USP34: variants seen among roughly 807,000 people sequenced by gnomAD.
USP34 encodes ubiquitin specific peptidase 34, also known as ubiquitin carboxyl-terminal hydrolase 34.
Under a neutral mutation model 460.3 loss-of-function variants are expected in USP34, and 70 were observed. The ratio of observed to expected loss-of-function variants is 0.15; its 90% CI spans 0.13 to 0.19. The LOEUF (loss-of-function observed/expected upper bound fraction) is 0.19, where lower values mean the gene tolerates loss of function less well. Among genes scored for constraint, USP34 ranks in the 10% least tolerant of loss-of-function variants. The pLI is 1.00. For synonymous variants in USP34, 1,647 were observed against 1,405.3 expected, an observed-to-expected ratio of 1.17 and a Z score of -3.85; for missense variants, 3,985 against 4,236.2, an observed-to-expected ratio of 0.94 and a Z score of 1.65.
chr2:61,224,559 T>A (rs1048772869), intron 62 of USP34, among the ~76,000 whole-genome samples: 1 of 152,234 alleles, frequency 6.6e-6, no homozygotes, highest in African/African-American at 2.4e-5. Context: ...TTAATTAGCT[T>A]GAATACATAT....
At chr2:61,389,109 G>C (rs1204604119) in intron 5 of USP34, among the ~76,000 whole-genome samples, 1 of 152,128 alleles carries the variant, frequency 6.6e-6, no homozygotes, top group Non-Finnish European at 1.5e-5. Flanking sequence ...ATAAGATTAG[G>C]TGATAAAACT....
At chr2:61,425,645 C>A (rs762764543) in intron 1 of USP34, among the ~76,000 whole-genome samples, 1 of 152,144 alleles carries the variant, frequency 6.6e-6, no homozygotes, top group African/African-American at 2.4e-5. Context: ...CTACAGCACT[C>A]CATGTTTCCA....
chr2:61,370,255 T>A, intron 10 of USP34, 66 bp downstream of exon 10: 1 of 1,506,792 alleles, frequency 6.6e-7, no homozygotes, highest in Non-Finnish European at 9.1e-7. Flanking sequence ...AGAATTTACC[T>A]CACAGAGAAG....
intron 26 of USP34, 22 bp from the exon 27 acceptor site, chr2:61,311,709 A>G (rs2103673126): frequency 6.2e-7 from 1 of 1,608,274 alleles, no homozygotes; most frequent in East Asian, 2.2e-5. Flanking sequence ...GATGCAACCA[A>G]TTTAAAAATA....
At chr2:61,286,991 C>T (rs1017331349) in intron 34 of USP34, among the ~76,000 whole-genome samples, 1 of 151,984 alleles carries the variant, frequency 6.6e-6, no homozygotes, top group African/African-American at 2.4e-5. Context: ...AAAGTTTATT[C>T]TGAAAAAAAC....
At chr2:61,291,918 G>T (rs1468373433) in intron 33 of USP34, among the ~76,000 whole-genome samples, 1 of 152,114 alleles carries the variant, frequency 6.6e-6, no homozygotes, top group Non-Finnish European at 1.5e-5. Flanking sequence ...TACTTCCAAG[G>T]ATGAATCTCG....
chr2:61,291,624 A>G (rs1572905110), intron 33 of USP34, among the ~76,000 whole-genome samples: 3 of 152,358 alleles, frequency 2.0e-5, no homozygotes, highest in Admixed American at 2.0e-4. Flanking sequence ...ACATACATGC[A>G]TACATGCTTA....
intron 10 of USP34, among the ~76,000 whole-genome samples, chr2:61,360,503 T>G (rs1236466581): frequency 6.6e-6 from 1 of 152,188 alleles, no homozygotes; most frequent in African/African-American, 2.4e-5. Context: ...AGTAAAAGAC[T>G]TGTACACTGA....
intron 10 of USP34, among the ~76,000 whole-genome samples, chr2:61,362,170 A>G (rs1008582806): frequency 1.3e-5 from 2 of 152,182 alleles, no homozygotes; most frequent in Non-Finnish European, 2.9e-5. Context: ...TGTTAGCAAG[A>G]AATGTGGAGA....
At chr2:61,273,684 C>T (rs1458280973) in intron 41 of USP34, among the ~76,000 whole-genome samples, 1 of 152,130 alleles carries the variant, frequency 6.6e-6, no homozygotes, top group Non-Finnish European at 1.5e-5. Flanking sequence ...CACTGCACTC[C>T]AGCCTGGGTG....
Position 61,280,428 on chromosome 2 carries a change from T to C in USP34, c.5152-80A>G, listed in dbSNP as rs576960103. The C allele has an allele frequency of 6.0e-6, 4 of 670,582 alleles. No individual in the cohort carries two copies. In the South Asian group the frequency reaches 1.3e-4, roughly 22 times the overall value. The allele number at this position is 670,582 out of a possible 1,614,324, so 41.5% of individuals were successfully genotyped here. ...AATACATTTAAGAAACTAGAGGCTT[T>C]ATGAAATAAATTCCTATATCCACTA... On this transcript the variant is annotated intron_variant, in intron 38 of 79. Transcript: ENST00000398571.
chr2:61,412,343 G>A (rs1358336145), intron 2 of USP34, among the ~76,000 whole-genome samples: 2 of 151,984 alleles, frequency 1.3e-5, no homozygotes, highest in Admixed American at 6.6e-5. Context: ...TTACGTTACT[G>A]AAATAAGAAT....
intron 65 of USP34, chr2:61,221,854 A>T (rs1206895783): frequency 3.0e-6 from 1 of 336,664 alleles, no homozygotes; most frequent in Non-Finnish European, 5.3e-6. Context: ...AAAGATAATT[A>T]TAAAAATATT....
intron 10 of USP34, among the ~76,000 whole-genome samples, chr2:61,369,079 C>T (rs1692526334): frequency 6.6e-6 from 1 of 152,110 alleles, no homozygotes; most frequent in Non-Finnish European, 1.5e-5. Flanking sequence ...CAAACTCACT[C>T]ATGATAAAAG....
At chr2:61,303,049 T>C (rs1275359409) in intron 27 of USP34, among the ~76,000 whole-genome samples, 13 of 152,166 alleles carry the variant, frequency 8.5e-5, no homozygotes, top group East Asian at 1.9e-4. Flanking sequence ...TCTCACATTT[T>C]ACAAAGACCT....
chr2:61,288,819 G>A lies in USP34; in HGVS notation c.4607C>T (p.Pro1536Leu), dbSNP rs1484547143. Residue 1536 changes from proline (P) to leucine (L), a missense_variant, in exon 34 of 80, where the codon CCA becomes CTA. Pro to Leu is a moderately conservative substitution (Grantham distance 98). Transcript: ENST00000398571. ...LKLICQFAVD[P>L]SDLDLAYHDV... ...ATGATAAGCTAAATCCAAATCGGAT[G>A]GATCTACTGCAAACTGGCATATTAA... 6.2e-7 allele frequency: 1 copy of A among 1,613,772 alleles called. No homozygotes were observed. The highest frequency in any genetic ancestry group is 8.5e-7 in the Non-Finnish European group (1 of 1,179,946).
rs187269406 is a variant in USP34 at position 61,280,107 on chromosome 2, T to C, written c.5256+137A>G. 1.3e-3 allele frequency: 633 copies of C among 470,634 alleles called. 2 individuals carry two copies. The highest frequency in any genetic ancestry group is 1.9e-3 in the Non-Finnish European group (533 of 275,410). 29.2% of individuals were successfully genotyped at this position (470,634 alleles called of 1,614,324 possible). On this transcript the variant is annotated intron_variant, in intron 39 of 79. Transcript: ENST00000398571. Reference sequence around the variant, plus strand: ...AGAAGAAGGTGGAAAAGCACAAATATAGTAGAAATAGGACACCACCACCAA... The same window carrying C: ...AGAAGAAGGTGGAAAAGCACAAATACAGTAGAAATAGGACACCACCACCAA...
chr2:61,209,557 T>C (rs1261877022), intron 69 of USP34, among the ~76,000 whole-genome samples: 2 of 152,252 alleles, frequency 1.3e-5, no homozygotes, highest in Admixed American at 6.5e-5. Flanking sequence ...ATTACCCACA[T>C]GTCTCTGATG....
At position 61,204,480 on chromosome 2, in the gene USP34, G is replaced by C; in HGVS notation, c.9259+17C>G. ...AATGCGAACCATATTGAAGTACTGTGCTAGATAAATACGTACTTGGTATAT... is the reference window on the plus strand; with the variant it reads ...AATGCGAACCATATTGAAGTACTGTCCTAGATAAATACGTACTTGGTATAT... On this transcript the variant is annotated intron_variant, in intron 73 of 79. Transcript: ENST00000398571. The C allele has an allele frequency of 5.0e-6, 8 of 1,611,924 alleles. No homozygotes were observed. In the South Asian group the frequency reaches 5.5e-5, roughly 11 times the overall value.
Sources: allele counts gnomAD v4.1 joint callset (sites outside exome capture counted in the v4.1 genomes callset), GRCh38; gene constraint gnomAD v4.1.1; transcripts MANE v1.5; gene names NCBI Gene and HGNC (gene_info 2026-07-23, HGNC 2026-07-21).